PARD3: variants seen among roughly 807,000 people sequenced by gnomAD.
The protein encoded by PARD3 is partitioning defective 3 homolog.
Under a neutral mutation model 155.4 loss-of-function variants are expected in PARD3, and 75 were observed. That is an observed-to-expected ratio of 0.48 (90% CI 0.40 to 0.58). The LOEUF is 0.58. Ranked by LOEUF, PARD3 falls within the 20% of genes least tolerant of loss-of-function variation. The pLI, the probability that PARD3 is intolerant of heterozygous loss-of-function variation, is 0.00. For synonymous variants in PARD3, 576 were observed against 610.5 expected (o/e 0.94, Z 0.83); for missense variants, 1,642 against 1,721.7 (o/e 0.95, Z 0.82).
chr10:34,186,313 T>C (rs1950491894), intron 22 of PARD3, among the ~76,000 whole-genome samples: 1 of 149,268 alleles, frequency 6.7e-6, no homozygotes, highest in African/African-American at 2.5e-5. Flanking sequence ...CGGGCTATGA[T>C]TGCACCACTG....
intron 22 of PARD3, among the ~76,000 whole-genome samples, chr10:34,217,799 C>T (rs1952075855): frequency 6.6e-6 from 1 of 152,068 alleles, no homozygotes; most frequent in African/African-American, 2.4e-5. Context: ...ACTAGGAACA[C>T]AATGTTGAAC....
intron 20 of PARD3, among the ~76,000 whole-genome samples, chr10:34,288,587 T>C (rs1956516804): frequency 6.6e-6 from 1 of 152,216 alleles, no homozygotes; most frequent in Admixed American, 6.5e-5. Context: ...CACCTATACA[T>C]ATACTCGCAA....
At chr10:34,112,034 A>G (rs1160380573) in intron 24 of PARD3, among the ~76,000 whole-genome samples, 1 of 152,242 alleles carries the variant, frequency 6.6e-6, no homozygotes, top group African/African-American at 2.4e-5. Flanking sequence ...GCGCTAGCTA[A>G]TATGAAGTAC....
chr10:34,329,257 A>C (rs1835363765), intron 19 of PARD3, among the ~76,000 whole-genome samples: 1 of 152,206 alleles, frequency 6.6e-6, no homozygotes, highest in African/African-American at 2.4e-5. Context: ...AATGAGTGAA[A>C]TATTATAAGA....
At chr10:34,328,183 TG>T (rs1349448844) in intron 19 of PARD3, among the ~76,000 whole-genome samples, 2 of 152,196 alleles carry the variant, frequency 1.3e-5, no homozygotes, top group South Asian at 2.1e-4. Flanking sequence ...AAGAGTTTGC[TG>T]AAGTATTGAA....
chr10:34,742,934 G>T (rs927988603), intron 1 of PARD3, among the ~76,000 whole-genome samples: 1 of 152,146 alleles, frequency 6.6e-6, no homozygotes, highest in African/African-American at 2.4e-5. Context: ...GAGCTTCGGA[G>T]TCACACGGTC....
chr10:34,142,450 G>A (rs1948239415), intron 22 of PARD3, among the ~76,000 whole-genome samples: 1 of 151,998 alleles, frequency 6.6e-6, no homozygotes, highest in Non-Finnish European at 1.5e-5. Context: ...CAGGAGAATT[G>A]CTTGAGCCCA....
At chr10:34,508,844 G>A (rs2081237941) in intron 3 of PARD3, among the ~76,000 whole-genome samples, 1 of 152,140 alleles carries the variant, frequency 6.6e-6, no homozygotes. Flanking sequence ...CTGCACTCAG[G>A]AGACATGATC....
At chr10:34,779,027 C>T (rs2134153535) in intron 1 of PARD3, among the ~76,000 whole-genome samples, 1 of 152,268 alleles carries the variant, frequency 6.6e-6, no homozygotes, top group Non-Finnish European at 1.5e-5. Flanking sequence ...TAAACTAAAG[C>T]AGGCTGGGCA....
chr10:34,757,700 A>AAAAAG (rs1169156432), intron 1 of PARD3, among the ~76,000 whole-genome samples: 2 of 152,078 alleles, frequency 1.3e-5, no homozygotes, highest in Admixed American at 1.3e-4. Context: ...CAAGAAAAAA[A>AAAAAG]AAAAGAAAAG....
At chr10:34,778,295 G>A (rs1839842533) in intron 1 of PARD3, among the ~76,000 whole-genome samples, 1 of 152,140 alleles carries the variant, frequency 6.6e-6, no homozygotes, top group Admixed American at 6.6e-5. Context: ...GTTGCGGTCT[G>A]CTGGATTCTA....
At position 34,469,778 on chromosome 10, in the gene PARD3, G is replaced by A. The variant is rs79052573; in HGVS notation, c.582+307C>T. 6.3e-3 allele frequency among the ~76,000 whole-genome samples: 954 copies of A among 152,152 alleles called. 8 individuals are homozygous for A. The highest frequency in any genetic ancestry group is 0.022 in the African/African-American group (909 of 41,512). ...GAGACCAGGAGACACAGCAAGAAAGGGACTTTATATGGCACATAATGTGTT... is the reference window on the plus strand; with the variant it reads ...GAGACCAGGAGACACAGCAAGAAAGAGACTTTATATGGCACATAATGTGTT... On this transcript the variant is annotated intron_variant, in intron 4 of 24. Transcript: ENST00000374788.
At chr10:34,155,227 TG>T (rs777811372) in intron 22 of PARD3, among the ~76,000 whole-genome samples, 13 of 152,162 alleles carry the variant, frequency 8.5e-5, no homozygotes, top group Non-Finnish European at 1.5e-4. Flanking sequence ...GTTTCTGGAC[TG>T]GGGACTGATT....
chr10:34,551,344 T>C (rs948579170), intron 2 of PARD3, among the ~76,000 whole-genome samples: 1 of 152,130 alleles, frequency 6.6e-6, no homozygotes, highest in African/African-American at 2.4e-5. Flanking sequence ...ACATGACTGC[T>C]CAACCAATCC....
intron 4 of PARD3, among the ~76,000 whole-genome samples, chr10:34,464,375 A>T (rs138083386): frequency 6.6e-6 from 1 of 152,132 alleles, no homozygotes; most frequent in Non-Finnish European, 1.5e-5. Flanking sequence ...CTCCTATCCT[A>T]TTTATCTAGG....
intron 14 of PARD3, among the ~76,000 whole-genome samples, chr10:34,357,661 G>T (rs555423428): frequency 3.3e-4 from 51 of 152,264 alleles, no homozygotes; most frequent in African/African-American, 1.2e-3. Context: ...TACTGTGAGG[G>T]ATTAGCTTTT....
At chr10:34,448,134 C>CGTGTGT (rs35325584) in intron 5 of PARD3, among the ~76,000 whole-genome samples, 5,836 of 147,096 alleles carry the variant, frequency 0.04, 180 homozygotes, top group African/African-American at 0.089. Flanking sequence ...ATATACACTG[C>CGTGTGT]GTGTGTGTGT....
At chr10:34,697,045 C>CAT (rs1174978311) in intron 1 of PARD3, among the ~76,000 whole-genome samples, 3 of 151,056 alleles carry the variant, frequency 2.0e-5, no homozygotes, top group African/African-American at 7.4e-5. Context: ...AACACACACA[C>CAT]ACACACACAC....
chr10:34,150,121 T>C (rs1227100425), intron 22 of PARD3, among the ~76,000 whole-genome samples: 1 of 152,234 alleles, frequency 6.6e-6, no homozygotes, highest in Non-Finnish European at 1.5e-5. Context: ...CTGATACCCC[T>C]TATAGAAATC....
Sources: allele counts gnomAD v4.1 joint callset (sites outside exome capture counted in the v4.1 genomes callset), GRCh38; gene constraint gnomAD v4.1.1; transcripts MANE v1.5; gene names NCBI Gene and HGNC (gene_info 2026-07-23, HGNC 2026-07-21).